The following PRKAR1A variants were observed in gnomAD, a reference collection of about 807,000 sequenced individuals.
The protein encoded by PRKAR1A is cAMP-dependent protein kinase type I-alpha regulatory subunit.
PRKAR1A carries 3 observed loss-of-function variants against 52.0 expected under a neutral mutation model. That is an observed-to-expected ratio of 0.06 (90% CI 0.03 to 0.15). The LOEUF is 0.15. PRKAR1A is among the 10% of genes least tolerant of loss of function. PRKAR1A has a pLI of 1.00. For missense variants in PRKAR1A, 240 were observed against 477.4 expected (o/e 0.50, Z 4.63); for synonymous variants, 188 against 168.4 (o/e 1.12, Z -0.90).
the PRKAR1A span, among the ~76,000 whole-genome samples, chr17:68,465,411 C>A: frequency 4.6e-5 from 7 of 152,068 alleles, no homozygotes; most frequent in African/African-American, 1.7e-4. Flanking sequence ...GGAGACAGAC[C>A]AGATTGTTTC....
At chr17:68,475,103 A>G in the PRKAR1A span, among the ~76,000 whole-genome samples, 1 of 152,230 alleles carries the variant, frequency 6.6e-6, no homozygotes, top group Admixed American at 6.5e-5. Flanking sequence ...AACCCTCTCA[A>G]CAGATCTCTT....
intron 11 of PRKAR1A, among the ~76,000 whole-genome samples, chr17:68,547,556 C>G (rs1017462991): frequency 6.6e-6 from 1 of 152,206 alleles, no homozygotes; most frequent in Non-Finnish European, 1.5e-5. Context: ...TCACCTTGTA[C>G]TTTTATGTTA....
In PRKAR1A at chr17:68,529,842, A is replaced by G. The variant is rs2085913172; in HGVS notation, c.892-78A>G. Reference sequence around the variant, plus strand: ...ATGCACACATTTGCAAGGTAGTTAAAATTGCATAGGATGTTTAAGGTGCCA... The same window carrying G: ...ATGCACACATTTGCAAGGTAGTTAAGATTGCATAGGATGTTTAAGGTGCCA... On this transcript the variant is annotated intron_variant, in intron 9 of 10. Transcript: ENST00000589228. 3 of 1,355,862 alleles carry G rather than the reference A, an allele frequency of 2.2e-6. No homozygotes were observed. In the South Asian group the frequency reaches 3.5e-5, roughly 16 times the overall value. The allele number at this position is 1,355,862 out of a possible 1,614,324, so 84.0% of individuals were successfully genotyped here.
the PRKAR1A span, among the ~76,000 whole-genome samples, chr17:68,473,743 G>A: frequency 2.0e-5 from 3 of 152,034 alleles, no homozygotes; most frequent in African/African-American, 7.2e-5. Flanking sequence ...GGCTGGTCTC[G>A]AATTCCTGAC....
chr17:68,535,431 T>C (rs1322615031), downstream of PRKAR1A: 1 of 453,990 alleles, frequency 2.2e-6, no homozygotes, highest in Non-Finnish European at 4.4e-6. Flanking sequence ...TAGCCTGCTT[T>C]CCTGAGAGTC....
At chr17:68,508,184 A>T (rs1323832584), upstream of PRKAR1A, among the ~76,000 whole-genome samples, 1 of 152,192 alleles carries the variant, frequency 6.6e-6, no homozygotes, top group Non-Finnish European at 1.5e-5. Context: ...TTTGGACTGT[A>T]TATACCCAAA....
chr17:68,422,012 G>T, the PRKAR1A span: 1 of 627,790 alleles, frequency 1.6e-6, no homozygotes, highest in Non-Finnish European at 2.8e-6. Context: ...GTATGACACA[G>T]TTCTAGAAAA....
Position 68,548,540 on chromosome 17 carries a change from A to AT in PRKAR1A, c.974-2544_974-2543insT, listed in dbSNP as rs563422672. Among the ~76,000 whole-genome samples, 662 of 151,948 alleles carry AT rather than the reference A, an allele frequency of 4.4e-3. 4 individuals are homozygous for AT. The highest frequency in any genetic ancestry group is 0.015 in the African/African-American group (636 of 41,398). On this transcript the variant is annotated intron_variant, in intron 11 of 11. Coordinates refer to the PRKAR1A transcript ENST00000585981. ...GTGAGACTCTGTCTCAAAAAAAAAA[A>AT]GTTTGAAATATTGTGAGAATTACCA...
At chr17:68,426,117 C>A in the PRKAR1A span, 2 of 1,612,630 alleles carry the variant, frequency 1.2e-6, no homozygotes, top group Admixed American at 3.3e-5. Flanking sequence ...CTGGTCCCGT[C>A]GCAAACTCAT....
At chr17:68,474,994 T>C in the PRKAR1A span, among the ~76,000 whole-genome samples, 1 of 152,224 alleles carries the variant, frequency 6.6e-6, no homozygotes, top group African/African-American at 2.4e-5. Context: ...AAATCTAAGT[T>C]GGATTTATTT....
chr17:68,480,583 T>C, the PRKAR1A span, among the ~76,000 whole-genome samples: 117 of 152,320 alleles, frequency 7.7e-4, 1 homozygote, highest in Middle Eastern at 3.4e-3. Context: ...TGTCTCATTC[T>C]GTTGCCCAGA....
the PRKAR1A span, among the ~76,000 whole-genome samples, chr17:68,442,093 CTGTT>C: frequency 3.9e-5 from 6 of 152,188 alleles, no homozygotes; most frequent in African/African-American, 1.4e-4. Flanking sequence ...TATTTTCTCT[CTGTT>C]TAAGCTGCAG....
downstream of PRKAR1A, chr17:68,536,410 A>C: frequency 4.4e-6 from 2 of 454,162 alleles, no homozygotes. Context: ...TCCTATTAAA[A>C]GGAGTTTCAG....
the PRKAR1A span, chr17:68,433,393 C>T: frequency 4.7e-6 from 6 of 1,286,772 alleles, no homozygotes; most frequent in South Asian, 4.8e-5. Flanking sequence ...GAAAAGAGAT[C>T]ATTCATGCCA....
chr17:68,546,037 C>CAG (rs1415753008), intron 11 of PRKAR1A, among the ~76,000 whole-genome samples: 1 of 151,090 alleles, frequency 6.6e-6, no homozygotes, highest in East Asian at 1.9e-4. Context: ...GGCATGGTGG[C>CAG]GCATGCCTGT....
chr17:68,421,624 A>T, the PRKAR1A span: 1 of 1,097,550 alleles, frequency 9.1e-7, no homozygotes, highest in Non-Finnish European at 1.4e-6. Flanking sequence ...GTGAGGAGTT[A>T]ACCAGGTCCT....
chr17:68,535,391 T>C (rs757219431), downstream of PRKAR1A: 46 of 453,992 alleles, frequency 1.0e-4, no homozygotes, highest in South Asian at 6.2e-4. Context: ...TCCTTCGTTA[T>C]AGGAGGTGGC....
At chr17:68,520,277 G>A (rs187966134) in intron 2 of PRKAR1A, among the ~76,000 whole-genome samples, 20 of 152,164 alleles carry the variant, frequency 1.3e-4, no homozygotes, top group Non-Finnish European at 2.4e-4. Flanking sequence ...TTACCCACAG[G>A]GAAGAGTGAC....
the PRKAR1A span, chr17:68,420,516 C>G: frequency 6.4e-7 from 1 of 1,573,024 alleles, no homozygotes; most frequent in Non-Finnish European, 8.7e-7. Context: ...GGCAAGTTTG[C>G]TTCCAAATTT....
Sources: allele counts gnomAD v4.1 joint callset (sites outside exome capture counted in the v4.1 genomes callset), GRCh38; gene constraint gnomAD v4.1.1; transcripts MANE v1.5; gene names NCBI Gene and HGNC (gene_info 2026-07-23, HGNC 2026-07-21).